RAP1A: variants seen among roughly 807,000 people sequenced by gnomAD.
RAP1A encodes the protein ras-related protein Rap-1A.
In RAP1A, 6 loss-of-function variants were observed where a neutral mutation model predicts 26.4. The observed-to-expected ratio is 0.23, with a 90% confidence interval of 0.12 to 0.45. The LOEUF (loss-of-function observed/expected upper bound fraction) is 0.45, where lower values mean the gene tolerates loss of function less well. Ranked by LOEUF, RAP1A falls within the 20% of genes least tolerant of loss-of-function variation. The probability of loss-of-function intolerance (pLI) is 0.99; values close to 1 mark genes in which losing one functional copy is unlikely to be tolerated. For missense variants in RAP1A, 121 were observed against 217.2 expected (o/e 0.56, Z 2.78); for synonymous variants, 73 against 79.4 (o/e 0.92, Z 0.43).
chr1:111,599,792 G>GC (rs1658635301), intron 1 of RAP1A: 1 of 152,222 alleles, frequency 6.6e-6, no homozygotes, highest in African/African-American at 2.4e-5. Context: ...CAAGTCTCAT[G>GC]TTGAAATGTA....
chr1:111,555,318 A>T (rs1458457914), intron 1 of RAP1A, among the ~76,000 whole-genome samples: 1 of 131,310 alleles, frequency 7.6e-6, no homozygotes, highest in Non-Finnish European at 1.6e-5. Context: ...GTGAGCCAAG[A>T]TTGTGCCACT....
intron 1 of RAP1A, among the ~76,000 whole-genome samples, chr1:111,603,274 G>A (rs1462615579): frequency 3.9e-5 from 6 of 152,214 alleles, no homozygotes; most frequent in Non-Finnish European, 8.8e-5. Flanking sequence ...CCACCGATCT[G>A]GTCCTGAACC....
At chr1:111,567,580 C>A (rs925360193) in intron 1 of RAP1A, among the ~76,000 whole-genome samples, 2 of 152,144 alleles carry the variant, frequency 1.3e-5, no homozygotes, top group African/African-American at 4.8e-5. Context: ...GAAATAAGGT[C>A]TTTATGGAGG....
chr1:111,604,147 G>A (rs1658725550), intron 1 of RAP1A, among the ~76,000 whole-genome samples: 1 of 152,200 alleles, frequency 6.6e-6, no homozygotes, highest in African/African-American at 2.4e-5. Flanking sequence ...TGAGGCTGCG[G>A]TGGTGACTCT....
rs1662547935 is a variant in RAP1A, at chr1:111,716,623, TTC to T, written c.*4227_*4228del. On this transcript the variant is annotated 3_prime_UTR_variant, in exon 8 of 8. Coordinates refer to ENST00000369709, the MANE Select transcript of RAP1A (RefSeq NM_002884.4). ...GTGACATACATTTCCCACTAATTGC[TTC>T]TCTCAAGAAGCAAGAGATTGGCTGT... 1 of 152,260 alleles carries T rather than the reference TTC, an allele frequency of 6.6e-6. No individual in the cohort carries two copies. The highest frequency in any genetic ancestry group is 2.1e-4 in the South Asian group (1 of 4,838). 9.4% of individuals were successfully genotyped at this position (152,260 alleles called of 1,614,324 possible). A position where few individuals can be genotyped will look rare whatever the true frequency, so the allele number is the denominator to read the frequency against.
rs35204143 is a variant in RAP1A, at chr1:111,666,643, TAAA to T, written c.-27-24682_-27-24680del. Among the ~76,000 whole-genome samples the T allele has an allele frequency of 1.5e-3, 227 of 148,166 alleles. 1 individual carries two copies. Among genetic ancestry groups the T allele is most frequent in the African/African-American group, 5.5e-3 (223 of 40,364 alleles). On this transcript the variant is annotated intron_variant, in intron 1 of 7. Coordinates refer to ENST00000369709, the MANE Select transcript of RAP1A (RefSeq NM_002884.4). ...TTTAGGTAATCAAATCACAGAGATT[TAAA>T]AAAAAAAAGCATTGATTTGCATTTG...
intron 1 of RAP1A, among the ~76,000 whole-genome samples, chr1:111,569,124 C>A (rs112041134): frequency 6.6e-6 from 1 of 151,976 alleles, no homozygotes; most frequent in Non-Finnish European, 1.5e-5. Flanking sequence ...ACTTGGAGGC[C>A]GGGCATGGTG....
chr1:111,669,026 G>GAAAAAA (rs58557062), intron 1 of RAP1A, among the ~76,000 whole-genome samples: 1 of 19,826 alleles, frequency 5.0e-5, no homozygotes, highest in Non-Finnish European at 1.2e-4. Context: ...CCTATCTCAA[G>GAAAAAA]AAAAAAAAAA....
intron 1 of RAP1A, among the ~76,000 whole-genome samples, chr1:111,622,027 A>G (rs534289): frequency 0.88 from 133,764 of 152,196 alleles, 59,134 homozygotes; most frequent in African/African-American, 0.97. Flanking sequence ...GCACATGTTC[A>G]TTTAATTATT....
intron 1 of RAP1A, among the ~76,000 whole-genome samples, chr1:111,670,925 G>T (rs575801932): frequency 6.6e-6 from 1 of 152,250 alleles, no homozygotes; most frequent in African/African-American, 2.4e-5. Flanking sequence ...AAGATGGTTG[G>T]ATTAAATATT....
At chr1:111,699,879 T>A (rs1661964146) in intron 4 of RAP1A, among the ~76,000 whole-genome samples, 1 of 152,164 alleles carries the variant, frequency 6.6e-6, no homozygotes, top group South Asian at 2.1e-4. Flanking sequence ...TAGCTTCAGG[T>A]CCACGGTCCA....
At chr1:111,575,987 A>C (rs549464307) in intron 1 of RAP1A, among the ~76,000 whole-genome samples, 1 of 152,208 alleles carries the variant, frequency 6.6e-6, no homozygotes, top group East Asian at 1.9e-4. Flanking sequence ...CAGTAGAATT[A>C]TTTTTCTACA....
chr1:111,566,789 G>C (rs1284197532), intron 1 of RAP1A, among the ~76,000 whole-genome samples: 2 of 151,728 alleles, frequency 1.3e-5, no homozygotes, highest in Non-Finnish European at 2.9e-5. Context: ...AAATTAAATA[G>C]AGTCACACTC....
intron 1 of RAP1A, chr1:111,648,340 T>C: frequency 2.7e-6 from 2 of 733,792 alleles, no homozygotes; most frequent in Non-Finnish European, 4.6e-6. Context: ...TGCCATCCAC[T>C]ATCTGGTGGA....
rs531812500 is a variant in RAP1A, at chr1:111,597,493, C to T, written c.-28+54984C>T. Among the ~76,000 whole-genome samples, 12 of 152,308 alleles carry T rather than the reference C, an allele frequency of 7.9e-5. No individual in the cohort carries two copies. The South Asian group carries it at 2.3e-3, about 29-fold the overall frequency. On this transcript the variant is annotated intron_variant, in intron 1 of 7. Coordinates refer to the RAP1A transcript ENST00000356415. ...GTGTATACTCCAGGAAAGTCCAGAT[C>T]CCCAACAGAAGCCCATCTGCTATAT...
intron 1 of RAP1A, among the ~76,000 whole-genome samples, chr1:111,622,635 G>T (rs116689157): frequency 1.9e-3 from 283 of 152,248 alleles, no homozygotes; most frequent in African/African-American, 6.3e-3. Context: ...TGGTAATGTC[G>T]CTTGTATACT....
intron 1 of RAP1A, among the ~76,000 whole-genome samples, chr1:111,642,777 G>A (rs1203252077): frequency 1.4e-5 from 2 of 145,190 alleles, no homozygotes; most frequent in Admixed American, 7.1e-5. Flanking sequence ...GTGAGCCGCC[G>A]TGCCCAGCCT....
At chr1:111,662,117 C>T (rs1051271933) in intron 1 of RAP1A, among the ~76,000 whole-genome samples, 19 of 151,934 alleles carry the variant, frequency 1.3e-4, no homozygotes, top group African/African-American at 3.1e-4. Flanking sequence ...CTTGATTGGC[C>T]GGGTGTGGTG....
chr1:111,583,290 TAAAAA>T (rs33946441), intron 1 of RAP1A, among the ~76,000 whole-genome samples: 66 of 143,636 alleles, frequency 4.6e-4, no homozygotes, highest in Middle Eastern at 3.5e-3. Flanking sequence ...GCTCATGCTT[TAAAAA>T]AAAAAAAAAA....
Sources: gnomAD v4.1 joint callset for allele counts (sites outside exome capture counted in the v4.1 genomes callset) on GRCh38, gnomAD v4.1.1 for gene constraint, MANE v1.5 for transcripts, NCBI Gene and HGNC (gene_info 2026-07-23, HGNC 2026-07-21) for gene names.